The following SRGAP2C variants were observed in gnomAD, a reference collection of about 807,000 sequenced individuals.
SRGAP2C encodes the protein SLIT-ROBO Rho GTPase-activating protein 2C.
A neutral mutation model predicts 25.1 loss-of-function variants in SRGAP2C; 15 were observed. That is an observed-to-expected ratio of 0.60 (90% CI 0.40 to 0.92). The LOEUF is 0.92. Among genes scored for constraint, SRGAP2C ranks in the 40% least tolerant of loss-of-function variants. The pLI is 0.00. For missense variants in SRGAP2C, 144 were observed against 264.4 expected (o/e 0.54, Z 3.16); for synonymous variants, 44 against 96.6 (o/e 0.46, Z 3.19).
intron 2 of SRGAP2C, among the ~76,000 whole-genome samples, chr1:121,239,788 G>T (rs1656079925): frequency 6.6e-6 from 1 of 152,230 alleles, no homozygotes; most frequent in Admixed American, 6.5e-5. Context: ...GAGCAGAGTT[G>T]AGTAGTTTCA....
chr1:121,315,169 C>T (rs1553340475), intron 3 of SRGAP2C: 8 of 404,216 alleles, frequency 2.0e-5, no homozygotes, highest in African/African-American at 1.5e-4. Flanking sequence ...TTTTAAGAGA[C>T]AGGTCCTATG....
At position 121,282,655 on chromosome 1, in the gene SRGAP2C, C is replaced by T. The variant is rs1277186085; in HGVS notation, c.68-2148C>T. On this transcript the variant is annotated intron_variant, in intron 2 of 9. Transcript: ENST00000367123. ...GTGCAAACTCCGCCTCCCGGGTTCA[C>T]GCCATTCTCCCACCTCAGCCTCCCC... Among the ~76,000 whole-genome samples the T allele has an allele frequency of 5.5e-4, 83 of 151,944 alleles. 1 individual carries two copies. The South Asian group carries it at 8.9e-3, about 16-fold the overall frequency.
At chr1:121,260,934 CT>C (rs1165477920) in intron 2 of SRGAP2C, among the ~76,000 whole-genome samples, 1 of 65,584 alleles carries the variant, frequency 1.5e-5, no homozygotes, top group African/African-American at 5.6e-5. Flanking sequence ...ACACTTTTTT[CT>C]TTTTTTTCTT....
At chr1:121,238,876 G>A (rs1374372395) in intron 2 of SRGAP2C, among the ~76,000 whole-genome samples, 3 of 141,864 alleles carry the variant, frequency 2.1e-5, no homozygotes, top group African/African-American at 8.0e-5. Context: ...CACCTACCTG[G>A]GTTCAAGCGA....
chr1:121,293,544 G>A (rs1657534545), intron 3 of SRGAP2C, among the ~76,000 whole-genome samples: 1 of 151,720 alleles, frequency 6.6e-6, no homozygotes, highest in Non-Finnish European at 1.5e-5. Context: ...AAATAGACAA[G>A]ATGGGGCCAA....
At chr1:121,367,257 A>C (rs1646366551) in intron 5 of SRGAP2C, among the ~76,000 whole-genome samples, 1 of 151,458 alleles carries the variant, frequency 6.6e-6, no homozygotes, top group Non-Finnish European at 1.5e-5. Context: ...CAATGGAAAG[A>C]GGGAAAAAAG....
At chr1:121,236,273 C>T (rs12118570) in intron 2 of SRGAP2C, among the ~76,000 whole-genome samples, 92,253 of 151,260 alleles carry the variant, frequency 0.61, 28,395 homozygotes, top group East Asian at 0.79. Context: ...ATCAACAGAT[C>T]GAAAACCACC....
In SRGAP2C at chr1:121,222,349, G is replaced by C. The variant is rs1259238452; in HGVS notation, c.67+34836G>C. ...TGGAAGTAAATTGAAATGGGTTTGG[G>C]TTGGCGCTGTGGCTCACACCTGTAA... On this transcript the variant is annotated intron_variant, in intron 2 of 9. Coordinates refer to ENST00000367123, the MANE Select transcript of SRGAP2C (RefSeq NM_001329984.2). 1.1e-4 allele frequency among the ~76,000 whole-genome samples: 16 copies of C among 152,132 alleles called. No homozygotes were observed. In the East Asian group the frequency reaches 1.2e-3, roughly 11 times the overall value.
intron 2 of SRGAP2C, among the ~76,000 whole-genome samples, chr1:121,221,773 T>C (rs1248475232): frequency 9.9e-5 from 13 of 131,288 alleles, no homozygotes; most frequent in African/African-American, 3.7e-4. Context: ...TATTCTGAAC[T>C]GTGTAGAGTT....
intron 2 of SRGAP2C, among the ~76,000 whole-genome samples, chr1:121,263,106 C>A (rs782312962): frequency 6.6e-6 from 1 of 151,756 alleles, no homozygotes; most frequent in Non-Finnish European, 1.5e-5. Context: ...GTAATCTCAG[C>A]ACTTTGGGAG....
At chr1:121,248,563 CA>C in intron 2 of SRGAP2C, among the ~76,000 whole-genome samples, 1 of 149,478 alleles carries the variant, frequency 6.7e-6, no homozygotes, top group Non-Finnish European at 1.5e-5. Flanking sequence ...TCTCCTGCCT[CA>C]GCCTCCCAAG....
chr1:121,307,400 G>A (rs1281675792), intron 3 of SRGAP2C, among the ~76,000 whole-genome samples: 15 of 150,038 alleles, frequency 1.0e-4, no homozygotes, highest in Non-Finnish European at 1.3e-4. Flanking sequence ...TGCTTTAAGA[G>A]CATTGTTTTT....
At position 121,288,780 on chromosome 1, in the gene SRGAP2C, C is replaced by T. The variant is rs1657428332; in HGVS notation, c.260+3785C>T. On this transcript the variant is annotated intron_variant, in intron 3 of 9. Transcript: ENST00000367123. Reference sequence around the variant, plus strand: ...AGTGTCGATTGGTGCACTCACAAATCTTGAGCTAAACACAGGGTGCTGATT... The same window carrying T: ...AGTGTCGATTGGTGCACTCACAAATTTTGAGCTAAACACAGGGTGCTGATT... 3.3e-5 allele frequency among the ~76,000 whole-genome samples: 2 copies of T among 61,098 alleles called. 1 individual carries two copies. The highest frequency in any genetic ancestry group is 1.6e-4 in the African/African-American group (2 of 12,770). The allele number at this position is 61,098 out of a possible 152,430, so 40.1% of individuals were successfully genotyped here.
intron 2 of SRGAP2C, among the ~76,000 whole-genome samples, chr1:121,272,490 T>C (rs1340779700): frequency 4.0e-5 from 6 of 151,618 alleles, no homozygotes; most frequent in Admixed American, 3.3e-4. Flanking sequence ...CAAGAAGAAA[T>C]GGTAAAAAGG....
chr1:121,206,223 A>G (rs1433081430), intron 2 of SRGAP2C, among the ~76,000 whole-genome samples: 3 of 150,678 alleles, frequency 2.0e-5, no homozygotes, highest in Non-Finnish European at 3.0e-5. Flanking sequence ...CCCAGACTAC[A>G]CTCACTACCA....
chr1:121,320,911 C>T (rs1327373678), intron 3 of SRGAP2C, among the ~76,000 whole-genome samples: 1 of 152,136 alleles, frequency 6.6e-6, no homozygotes, highest in East Asian at 1.9e-4. Context: ...AACATAAACC[C>T]AGCCTAGGCC....
At chr1:121,237,682 C>T (rs1413321670) in intron 2 of SRGAP2C, among the ~76,000 whole-genome samples, 1 of 151,948 alleles carries the variant, frequency 6.6e-6, no homozygotes, top group African/African-American at 2.4e-5. Context: ...GTAATGAATT[C>T]CGGGTTGCCC....
At chr1:121,329,270 A>G (rs1658384629) in intron 4 of SRGAP2C, among the ~76,000 whole-genome samples, 1 of 152,240 alleles carries the variant, frequency 6.6e-6, no homozygotes, top group Non-Finnish European at 1.5e-5. Flanking sequence ...GTTTAACTCC[A>G]GTCACTTGGC....
chr1:121,282,475 C>T (rs1329461848), intron 2 of SRGAP2C, among the ~76,000 whole-genome samples: 1 of 150,676 alleles, frequency 6.6e-6, no homozygotes, highest in Non-Finnish European at 1.5e-5. Flanking sequence ...GACAGCCTTA[C>T]TGCCCATCCA....
Sources: allele counts gnomAD v4.1 joint callset (sites outside exome capture counted in the v4.1 genomes callset), GRCh38; gene constraint gnomAD v4.1.1; transcripts MANE v1.5; gene names NCBI Gene and HGNC (gene_info 2026-07-23, HGNC 2026-07-21).